The following PLXNB2 variants were observed in gnomAD, a reference collection of about 807,000 sequenced individuals.
PLXNB2 encodes plexin-B2.
Under a neutral mutation model 202.6 loss-of-function variants are expected in PLXNB2, and 85 were observed. The ratio of observed to expected loss-of-function variants is 0.42; its 90% CI spans 0.35 to 0.50. PLXNB2 has a LOEUF of 0.50. Among genes scored for constraint, PLXNB2 ranks in the 20% least tolerant of loss-of-function variants. PLXNB2 has a pLI of 0.02. For synonymous variants in PLXNB2, 1,239 were observed against 1,137.6 expected, an observed-to-expected ratio of 1.09 and a Z score of -1.79; for missense variants, 2,063 against 2,586.2, an observed-to-expected ratio of 0.80 and a Z score of 4.39.
At position 50,290,592 on chromosome 22, in the gene PLXNB2, C is replaced by T. The variant is rs201286274; in HGVS notation, c.-8G>A. ...CCAGAGCTGCAGTGCCATTGCCCCC[C>T]GCACCCTGTGGGAAGAGAGAAGGGT... On this transcript the variant is annotated 5_prime_UTR_variant, in exon 3 of 37. Transcript: ENST00000359337. 4.8e-5 allele frequency: 76 copies of T among 1,593,634 alleles called. No homozygotes were observed. The East Asian group carries it at 6.6e-4, about 14-fold the overall frequency.
chr22:50,289,292 C>T lies in PLXNB2; in HGVS notation c.1069-150G>A. The stretch of plus-strand genomic sequence containing the variant: ...AGAACAGAACCCACATGGCAGGGAG[C>T]CCCACCGTGCTCACTGTTGTGTTCC... On this transcript the variant is annotated intron_variant, in intron 3 of 36. Transcript: ENST00000359337. The surrounding 1 kb of genome is among the most constrained non-coding windows in gnomAD (Gnocchi z 8.0). The T allele has an allele frequency of 1.1e-6, 1 of 915,872 alleles. No homozygotes were observed. Among genetic ancestry groups the T allele is most frequent in the Non-Finnish European group, 1.6e-6 (1 of 625,218 alleles). The allele number at this position is 915,872 out of a possible 1,614,324, so 56.7% of individuals were successfully genotyped here. A position where few individuals can be genotyped will look rare whatever the true frequency, so the allele number is the denominator to read the frequency against.
chr22:50,301,515 A>G (rs1180570521), intron 1 of PLXNB2: 4 of 431,020 alleles, frequency 9.3e-6, no homozygotes, highest in Non-Finnish European at 1.2e-5. Flanking sequence ...TCTGGGGCTC[A>G]GTCACTTGGA....
intron 35 of PLXNB2, 29 bp downstream of exon 35, chr22:50,276,600 T>C (rs5771119): frequency 0.97 from 1,531,706 of 1,583,366 alleles, 741,067 homozygotes; most frequent in East Asian, 1. Context: ...CGGGGAGGGC[T>C]GTGGGTGCGT....
In PLXNB2 at chr22:50,278,994, C is replaced by A; in HGVS notation, c.4407G>T (p.Val1469=). ...EYAPLTVSVI[V]QDEGVDAIPV... Reference sequence around the variant, plus strand: ...GGATGGCGTCCACTCCCTCGTCCTGCACGATCACGCTCACCGTCTGCCGAG... The same window carrying A: ...GGATGGCGTCCACTCCCTCGTCCTGAACGATCACGCTCACCGTCTGCCGAG... Residue 1469 remains valine, a synonymous_variant, in exon 28 of 37, where the codon GTG becomes GTT. Coordinates refer to ENST00000359337, the MANE Select transcript of PLXNB2 (RefSeq NM_012401.4). The A allele has an allele frequency of 6.2e-7, 1 of 1,610,570 alleles. No individual in the cohort carries two copies. Among genetic ancestry groups the A allele is most frequent in the Non-Finnish European group, 8.5e-7 (1 of 1,178,006 alleles).
rs371551344 is a variant in PLXNB2, at chr22:50,288,445, GAC to G, written c.1380+296_1380+297del. Among the ~76,000 whole-genome samples, 20 of 152,284 alleles carry G rather than the reference GAC, an allele frequency of 1.3e-4. No individual in the cohort carries two copies. In the South Asian group the frequency reaches 3.9e-3, roughly 30 times the overall value. Reference sequence around the variant, plus strand: ...CATCCACCCTCAGCAACACGCCTCAGACACCAACCCAGGTCCCTTCCATCAGG... The same window carrying G: ...CATCCACCCTCAGCAACACGCCTCAGACCAACCCAGGTCCCTTCCATCAGG... On this transcript the variant is annotated intron_variant, in intron 5 of 36. Transcript: ENST00000359337. The surrounding 1 kb of genome is among the most constrained non-coding windows in gnomAD (Gnocchi z 5.0).
At position 50,289,748 on chromosome 22, in the gene PLXNB2, G is replaced by A; in HGVS notation, c.837C>T (p.Cys279=). Residue 279 remains cysteine (C), a synonymous_variant, in exon 3 of 37, where the codon TGC becomes TGT. Coordinates refer to ENST00000359337, the MANE Select transcript of PLXNB2 (RefSeq NM_012401.4). This position sits in a 1 kb window ranked among gnomAD's most constrained non-coding sequence, Gnocchi z 8.0. ...PDIHAAAFGT[C]LAASVAAPGS... is the part of the protein sequence containing the mutation. Reference sequence around the variant, plus strand: ...CAGGCGCAGCCACGGAGGCGGCCAGGCAGGTGCCAAAGGCAGCGGCGTGGA... The same window carrying A: ...CAGGCGCAGCCACGGAGGCGGCCAGACAGGTGCCAAAGGCAGCGGCGTGGA... 2 of 1,612,678 alleles carry A rather than the reference G, an allele frequency of 1.2e-6. No individual in the cohort carries two copies. The highest frequency in any genetic ancestry group is 3.3e-5 in the Admixed American group (2 of 60,028).
chr22:50,293,655 C>T (rs2067053235), intron 2 of PLXNB2, among the ~76,000 whole-genome samples: 1 of 152,224 alleles, frequency 6.6e-6, no homozygotes, highest in Admixed American at 6.5e-5. Flanking sequence ...GGCCCACGGT[C>T]CCCTCGGATC....
Position 50,277,713 on chromosome 22 carries a change from T to C in PLXNB2, c.5074A>G (p.Ile1692Val). The change falls in exon 33 of 37, where the codon ATC becomes GTC. Residue 1692 changes from isoleucine (I) to valine (V), a missense_variant. Transcript: ENST00000359337. Reference protein sequence around the residue: ...NSLPLRFWVNILKNPHFIFDV... With the variant: ...NSLPLRFWVNVLKNPHFIFDV... ...AAGATGAAGTGGGGGTTCTTGAGGA[T>C]GTTCACCCAGAACCGGAGCGGTAAG... is the stretch of plus-strand genomic sequence containing the variant. 1 of 1,603,202 alleles carries C rather than the reference T, an allele frequency of 6.2e-7. No individual in the cohort carries two copies. The highest frequency in any genetic ancestry group is 1.1e-5 in the South Asian group (1 of 90,082).
chr22:50,296,265 A>T (rs1218630901), intron 1 of PLXNB2, among the ~76,000 whole-genome samples: 9 of 144,822 alleles, frequency 6.2e-5, no homozygotes, highest in African/African-American at 2.6e-4. Flanking sequence ...CTAGACCGTG[A>T]ACTGGCCGCG....
Position 50,278,288 on chromosome 22 carries a change from C to T in PLXNB2, c.4733-17G>A, listed in dbSNP as rs2147332287. 2 of 1,610,122 alleles carry T rather than the reference C, an allele frequency of 1.2e-6. No individual in the cohort carries two copies. Among genetic ancestry groups the T allele is most frequent in the East Asian group, 4.5e-5 (2 of 44,870 alleles). ...GGGCATGGCCTGTGGGGAGCGGGCACTGAGGGACCCCTACCCAGGTCTGGG... is the reference window on the plus strand; with the variant it reads ...GGGCATGGCCTGTGGGGAGCGGGCATTGAGGGACCCCTACCCAGGTCTGGG... On this transcript the variant is annotated splice_polypyrimidine_tract_variant and intron_variant, in intron 30 of 36. Coordinates refer to ENST00000359337, the MANE Select transcript of PLXNB2 (RefSeq NM_012401.4).
In PLXNB2 at chr22:50,290,091, T is replaced by C; in HGVS notation, c.494A>G (p.Asp165Gly). The change falls in exon 3 of 37, where the codon GAC becomes GGC. Residue 165 changes from aspartate (D) to glycine (G), a missense_variant. This residue lies in a region of PLXNB2 where 1,303 missense variants were observed against 1,476.8 expected (regional missense o/e 0.88). Transcript: ENST00000359337. Reference sequence around the variant, plus strand: ...GCCTTTGCCCACAAACAGCACGCGGTCACCACCAGGACCCGTGGAGCTCAC... The same window carrying C: ...GCCTTTGCCCACAAACAGCACGCGGCCACCACCAGGACCCGTGGAGCTCAC... ...GLVSSTGPGG[D>G]RVLFVGKGNG... 6.2e-7 allele frequency: 1 copy of C among 1,613,136 alleles called. No homozygotes were observed. Among genetic ancestry groups the C allele is most frequent in the Non-Finnish European group, 8.5e-7 (1 of 1,179,992 alleles).
Position 50,275,906 on chromosome 22 carries a change from G to A in PLXNB2, c.5395C>T (p.Gln1799Ter). 6.2e-7 allele frequency: 1 copy of A among 1,612,622 alleles called. No homozygotes were observed. The change falls in exon 36 of 37, where the codon CAG becomes TAG. Residue 1799 changes from glutamine (Q) to a stop codon, truncating the protein, a stop_gained. Transcript: ENST00000359337. LOFTEE classifies it high-confidence loss of function. ...GACCCTACCTCGTCATAGTACTTCT[G>A]CGTGTATTGGTAGAGCTGGTGGAGT... is the stretch of plus-strand genomic sequence containing the variant. ...VALHQLYQYT[Q>*]KYYDEIINAL... is the part of the protein sequence containing the mutation.
At chr22:50,277,831 CG>C in intron 32 of PLXNB2, 21 bp downstream of exon 32, 2 of 1,608,086 alleles carry the variant, frequency 1.2e-6, no homozygotes, top group Non-Finnish European at 1.7e-6. Context: ...GGCTGGGCCG[CG>C]GGGTGGGTGT....
In PLXNB2 at chr22:50,282,191, G is replaced by A; in HGVS notation, c.3110C>T (p.Pro1037Leu). ...QPPREAESLQ[P>L]MTVVGTDYVF... The stretch of plus-strand genomic sequence containing the variant: ...GCCCACGCCAGGACTGACCGTCATG[G>A]GCTGCAGGGATTCAGCCTCCCGCGG... The change falls in exon 19 of 37, where the codon CCC becomes CTC. Residue 1037 changes from proline to leucine, a missense_variant. Physicochemically the swap from Pro to Leu is moderately conservative, Grantham distance 98. Transcript: ENST00000359337. 2 of 1,610,326 alleles carry A rather than the reference G, an allele frequency of 1.2e-6. No individual in the cohort carries two copies. Among genetic ancestry groups the A allele is most frequent in the Non-Finnish European group, 1.7e-6 (2 of 1,179,180 alleles).
Position 50,284,700 on chromosome 22 carries a change from G to A in PLXNB2, c.2089-35C>T. 1.3e-6 allele frequency: 2 copies of A among 1,541,876 alleles called. No homozygotes were observed. The highest frequency in any genetic ancestry group is 9.0e-7 in the Non-Finnish European group (1 of 1,115,824). ...ATGCCGTCAGGACCCTGGACAGGCG[G>A]CTGTGGCACCCTGGCCCTCCTCCCA... On this transcript the variant is annotated intron_variant, in intron 11 of 36. Transcript: ENST00000359337. The surrounding 1 kb of genome is among the most constrained non-coding windows in gnomAD (Gnocchi z 8.0).
intron 1 of PLXNB2, among the ~76,000 whole-genome samples, chr22:50,305,813 G>T (rs1301900168): frequency 6.6e-6 from 1 of 152,148 alleles, no homozygotes; most frequent in Non-Finnish European, 1.5e-5. Context: ...CCTGGGTGGG[G>T]CGAGGGGGTC....
intron 1 of PLXNB2, among the ~76,000 whole-genome samples, chr22:50,302,941 G>A (rs1430942469): frequency 6.6e-6 from 1 of 152,120 alleles, no homozygotes; most frequent in Non-Finnish European, 1.5e-5. Flanking sequence ...ACCTGACAGG[G>A]CTGGGATCCA....
At chr22:50,292,218 G>A (rs1168698698) in intron 2 of PLXNB2, among the ~76,000 whole-genome samples, 1 of 151,660 alleles carries the variant, frequency 6.6e-6, no homozygotes, top group Non-Finnish European at 1.5e-5. Context: ...CCCGCCTGTA[G>A]TCTCAGCTAC....
In PLXNB2 at chr22:50,291,408, G is replaced by A. The variant is rs1052276265; in HGVS notation, c.-13-811C>T. Among the ~76,000 whole-genome samples, 9 of 152,098 alleles carry A rather than the reference G, an allele frequency of 5.9e-5. No individual in the cohort carries two copies. Among genetic ancestry groups the A allele is most frequent in the Admixed American group, 3.3e-4 (5 of 15,272 alleles). ...GCCTGGACAGGCTGTGTCCACATGC[G>A]TGTGTGTAACTGAGCACGTCTCGGT... On this transcript the variant is annotated intron_variant, in intron 2 of 36. Transcript: ENST00000359337. This position sits in a 1 kb window ranked among gnomAD's most constrained non-coding sequence, Gnocchi z 4.3.
Sources: gnomAD v4.1 joint callset for allele counts (sites outside exome capture counted in the v4.1 genomes callset) on GRCh38, gnomAD v4.1.1 for gene constraint, gnomAD v4.1.1 regional missense constraint, Gnocchi (gnomAD v3.1) non-coding constraint, MANE v1.5 for transcripts, NCBI Gene and HGNC (gene_info 2026-07-23, HGNC 2026-07-21) for gene names.